CTNNA3: variants seen among roughly 807,000 people sequenced by gnomAD.
The protein encoded by CTNNA3 is catenin alpha-3.
In CTNNA3, 76 loss-of-function variants were observed where a neutral mutation model predicts 95.7. The observed-to-expected ratio is 0.79, with a 90% CI of 0.66 to 0.96. The LOEUF (loss-of-function observed/expected upper bound fraction) is 0.96. Among genes scored for constraint, CTNNA3 ranks in the 40% least tolerant of loss-of-function variants. CTNNA3 has a pLI of 0.00. For missense variants in CTNNA3, 1,191 were observed against 1,089.8 expected, an observed-to-expected ratio of 1.09 and a Z score of -1.31; for synonymous variants, 431 against 374.4, an observed-to-expected ratio of 1.15 and a Z score of -1.74.
chr10:67,191,230 A>G (rs1253856914), intron 6 of CTNNA3, among the ~76,000 whole-genome samples: 1 of 152,060 alleles, frequency 6.6e-6, no homozygotes, highest in Non-Finnish European at 1.5e-5. Flanking sequence ...TCCACTTAAT[A>G]TATTCCTGGA....
At chr10:66,718,219 A>G (rs1254187043) in intron 9 of CTNNA3, among the ~76,000 whole-genome samples, 1 of 151,934 alleles carries the variant, frequency 6.6e-6, no homozygotes, top group Non-Finnish European at 1.5e-5. Flanking sequence ...TCTCTGTCTC[A>G]ATAATCCTAA....
chr10:66,076,192 C>T (rs186746708), intron 14 of CTNNA3, among the ~76,000 whole-genome samples: 27 of 151,538 alleles, frequency 1.8e-4, no homozygotes, highest in African/African-American at 6.0e-4. Flanking sequence ...GTGACATGTA[C>T]GTGTTTTCTT....
intron 10 of CTNNA3, among the ~76,000 whole-genome samples, chr10:66,608,462 A>G (rs1488244812): frequency 6.6e-6 from 1 of 152,164 alleles, no homozygotes; most frequent in Non-Finnish European, 1.5e-5. Context: ...TAAAATTCAT[A>G]TGGAACAAAA....
intron 14 of CTNNA3, among the ~76,000 whole-genome samples, chr10:66,081,210 A>G (rs2080746653): frequency 6.6e-6 from 1 of 152,184 alleles, no homozygotes; most frequent in African/African-American, 2.4e-5. Context: ...ATGCCACCTG[A>G]CACTGGCAAG....
chr10:66,145,780 T>C (rs1241970498), intron 13 of CTNNA3, among the ~76,000 whole-genome samples: 6 of 152,190 alleles, frequency 3.9e-5, no homozygotes, highest in Non-Finnish European at 7.3e-5. Context: ...TGCTTATTCA[T>C]AGATACACAT....
chr10:66,083,624 G>C (rs568489638), intron 14 of CTNNA3, among the ~76,000 whole-genome samples: 11 of 152,182 alleles, frequency 7.2e-5, no homozygotes, highest in Admixed American at 7.2e-4. Context: ...TATGGTCTTG[G>C]TAAAGAGGCA....
At chr10:66,490,558 T>G (rs1839887487) in intron 11 of CTNNA3, among the ~76,000 whole-genome samples, 1 of 152,202 alleles carries the variant, frequency 6.6e-6, no homozygotes, top group African/African-American at 2.4e-5. Flanking sequence ...AGAATTTATA[T>G]AAGTTCATGA....
chr10:66,735,910 G>T (rs1020205659), intron 9 of CTNNA3, among the ~76,000 whole-genome samples: 35 of 152,012 alleles, frequency 2.3e-4, no homozygotes, highest in African/African-American at 8.5e-4. Context: ...TCCAAATAGG[G>T]GCTTTATGGA....
At chr10:66,531,034 G>C (rs1403478762) in intron 10 of CTNNA3, among the ~76,000 whole-genome samples, 2 of 152,078 alleles carry the variant, frequency 1.3e-5, no homozygotes, top group Non-Finnish European at 2.9e-5. Flanking sequence ...ATGCTCCCGG[G>C]AGGTCTGTAA....
intron 12 of CTNNA3, among the ~76,000 whole-genome samples, chr10:66,366,296 A>C (rs937185656): frequency 1.3e-5 from 2 of 152,166 alleles, no homozygotes; most frequent in African/African-American, 4.8e-5. Context: ...GTGTAAGTTA[A>C]ACGAAATAAA....
chr10:67,746,117 G>C (rs1368287194), intron 1 of CTNNA3, among the ~76,000 whole-genome samples: 1 of 152,070 alleles, frequency 6.6e-6, no homozygotes, highest in Non-Finnish European at 1.5e-5. Flanking sequence ...AATAGCCAAA[G>C]ACGTCCTGAG....
At chr10:66,003,243 T>C (rs1460868044) in intron 15 of CTNNA3, among the ~76,000 whole-genome samples, 1 of 152,176 alleles carries the variant, frequency 6.6e-6, no homozygotes, top group East Asian at 1.9e-4. Flanking sequence ...ATAGAGTGTA[T>C]TTTCAAGATA....
intron 11 of CTNNA3, among the ~76,000 whole-genome samples, chr10:66,385,340 G>C (rs1168564787): frequency 6.6e-6 from 1 of 152,140 alleles, no homozygotes; most frequent in African/African-American, 2.4e-5. Context: ...AGAAAATCTA[G>C]AAGAAATGGA....
intron 7 of CTNNA3, among the ~76,000 whole-genome samples, chr10:66,908,141 T>A (rs1168032808): frequency 6.6e-6 from 1 of 152,208 alleles, no homozygotes; most frequent in African/African-American, 2.4e-5. Flanking sequence ...CTACTTGGCA[T>A]AACTGAGTAA....
At chr10:67,193,406 C>G (rs1863208905) in intron 6 of CTNNA3, among the ~76,000 whole-genome samples, 1 of 151,910 alleles carries the variant, frequency 6.6e-6, no homozygotes, top group East Asian at 1.9e-4. Context: ...TATAGGTAAA[C>G]TTGTGTCATG....
At chr10:67,702,739 A>G (rs2133604403) in intron 1 of CTNNA3, among the ~76,000 whole-genome samples, 1 of 152,314 alleles carries the variant, frequency 6.6e-6, no homozygotes, top group African/African-American at 2.4e-5. Context: ...GACCAAACAC[A>G]TTCAAAAGCT....
At chr10:67,696,528 G>T (rs1038998612), upstream of CTNNA3, among the ~76,000 whole-genome samples, 3 of 152,060 alleles carry the variant, frequency 2.0e-5, no homozygotes, top group African/African-American at 7.2e-5. Flanking sequence ...TGGCATCAAG[G>T]CCATGTGTCA....
intron 3 of CTNNA3, among the ~76,000 whole-genome samples, chr10:67,580,218 GA>G (rs1284715995): frequency 1.3e-5 from 2 of 152,082 alleles, no homozygotes; most frequent in East Asian, 3.9e-4. Context: ...ATCCATTCTT[GA>G]ATTAATTTTT....
chr10:67,444,881 G>A (rs1216935343), intron 5 of CTNNA3, among the ~76,000 whole-genome samples: 4 of 151,986 alleles, frequency 2.6e-5, no homozygotes, highest in African/African-American at 7.3e-5. Context: ...CCAATAATAA[G>A]CAAAGAGATC....
Sources: allele counts gnomAD v4.1 joint callset (sites outside exome capture counted in the v4.1 genomes callset), GRCh38; gene constraint gnomAD v4.1.1; transcripts MANE v1.5; gene names NCBI Gene and HGNC (gene_info 2026-07-23, HGNC 2026-07-21).